The following GALNTL6 variants were observed in gnomAD, a reference collection of about 807,000 sequenced individuals.
GALNTL6 encodes the protein polypeptide N-acetylgalactosaminyltransferase-like 6.
In GALNTL6, 46 loss-of-function variants were observed where a neutral mutation model predicts 73.7. The ratio of observed to expected loss-of-function variants is 0.62; its 90% CI spans 0.49 to 0.80. The LOEUF (loss-of-function observed/expected upper bound fraction) is 0.80, where lower values mean the gene tolerates loss of function less well. Ranked by LOEUF, GALNTL6 falls within the 30% of genes least tolerant of loss-of-function variation. The pLI, the probability that GALNTL6 is intolerant of heterozygous loss-of-function variation, is 0.00. For synonymous variants in GALNTL6, 259 were observed against 263.7 expected, an observed-to-expected ratio of 0.98 and a Z score of 0.17; for missense variants, 604 against 755.0, an observed-to-expected ratio of 0.80 and a Z score of 2.34.
intron 5 of GALNTL6, among the ~76,000 whole-genome samples, chr4:172,704,650 A>T (rs1344818285): frequency 6.6e-6 from 1 of 152,080 alleles, no homozygotes; most frequent in East Asian, 1.9e-4. Flanking sequence ...TGCCAACAAG[A>T]AGAATGTGCA....
chr4:172,596,689 A>ATTT (rs1737868605), intron 5 of GALNTL6, among the ~76,000 whole-genome samples: 1 of 152,138 alleles, frequency 6.6e-6, no homozygotes, highest in African/African-American at 2.4e-5. Context: ...ACTCTATAAA[A>ATTT]CACTTCAATT....
chr4:172,305,463 G>C (rs1180297748), intron 3 of GALNTL6, among the ~76,000 whole-genome samples: 1 of 152,034 alleles, frequency 6.6e-6, no homozygotes, highest in East Asian at 1.9e-4. Context: ...GAAAGATGCT[G>C]TATTGATTTT....
At chr4:172,424,525 G>T (rs1020529071) in intron 5 of GALNTL6, among the ~76,000 whole-genome samples, 5 of 152,210 alleles carry the variant, frequency 3.3e-5, no homozygotes, top group East Asian at 3.9e-4. Context: ...CTATAAAAAC[G>T]ATTTAAATGT....
intron 3 of GALNTL6, among the ~76,000 whole-genome samples, chr4:172,268,879 A>G (rs541384677): frequency 3.9e-5 from 6 of 152,316 alleles, no homozygotes; most frequent in South Asian, 4.1e-4. Flanking sequence ...TAGCAGTTCA[A>G]TCTTAATCTT....
intron 10 of GALNTL6, among the ~76,000 whole-genome samples, chr4:172,996,429 C>T (rs190572836): frequency 5.9e-4 from 89 of 152,042 alleles, no homozygotes; most frequent in African/African-American, 1.8e-3. Flanking sequence ...GGAAAAATAA[C>T]TATTAAATAC....
At chr4:172,741,221 G>A (rs963471326) in intron 5 of GALNTL6, among the ~76,000 whole-genome samples, 1 of 152,080 alleles carries the variant, frequency 6.6e-6, no homozygotes, top group African/African-American at 2.4e-5. Context: ...CAGTTTGAAA[G>A]GTTCTCATAC....
rs190550985 is a variant in GALNTL6, at chr4:171,988,435, G to A, written c.138+173717G>A. On this transcript the variant is annotated intron_variant, in intron 2 of 12. Coordinates refer to ENST00000506823, the MANE Select transcript of GALNTL6 (RefSeq NM_001034845.3). ...GCCCAGGTAATTTGCTGAGCCTAATGGGTGTCAGGGTCAGTCTAAGTGAAA... is the reference window on the plus strand; with the variant it reads ...GCCCAGGTAATTTGCTGAGCCTAATAGGTGTCAGGGTCAGTCTAAGTGAAA... 2.8e-3 allele frequency among the ~76,000 whole-genome samples: 434 copies of A among 152,296 alleles called. 1 individual carries two copies. The highest frequency in any genetic ancestry group is 9.8e-3 in the African/African-American group (406 of 41,540).
intron 5 of GALNTL6, among the ~76,000 whole-genome samples, chr4:172,376,393 C>G (rs1376437396): frequency 1.3e-5 from 2 of 152,108 alleles, no homozygotes; most frequent in Non-Finnish European, 2.9e-5. Context: ...CATGGTCAAC[C>G]AACTTGTTGT....
intron 2 of GALNTL6, among the ~76,000 whole-genome samples, chr4:172,130,932 A>G (rs992536576): frequency 6.6e-6 from 1 of 152,048 alleles, no homozygotes; most frequent in Non-Finnish European, 1.5e-5. Flanking sequence ...CTGTATTTCT[A>G]TGCACCCTCT....
rs199570867 is a variant in GALNTL6 at position 172,305,587 on chromosome 4, AT to A, written c.248-6017del. Among the ~76,000 whole-genome samples the A allele has an allele frequency of 2.2e-3, 324 of 150,398 alleles. 2 individuals are homozygous for A. Among genetic ancestry groups the A allele is most frequent in the Admixed American group, 0.017 (261 of 15,044 alleles). Reference sequence around the variant, plus strand: ...ATTATCATAAATATTCAAACATACAATTTTTTTTTTGTTTAGAGTCTTCTGC... The same window carrying A: ...ATTATCATAAATATTCAAACATACAATTTTTTTTTGTTTAGAGTCTTCTGC... On this transcript the variant is annotated intron_variant, in intron 3 of 12. Coordinates refer to ENST00000506823, the MANE Select transcript of GALNTL6 (RefSeq NM_001034845.3).
At chr4:172,555,049 TCTTA>T (rs146010557) in intron 5 of GALNTL6, among the ~76,000 whole-genome samples, 2,279 of 152,314 alleles carry the variant, frequency 0.015, 29 homozygotes, top group Non-Finnish European at 0.024. Context: ...ACCTTACCAG[TCTTA>T]CTTAATTTAG....
chr4:172,322,252 C>A (rs1010148987), intron 4 of GALNTL6, among the ~76,000 whole-genome samples: 1 of 152,130 alleles, frequency 6.6e-6, no homozygotes, highest in Non-Finnish European at 1.5e-5. Flanking sequence ...TCTATTCATG[C>A]CTGCTCTAAA....
intron 12 of GALNTL6, among the ~76,000 whole-genome samples, chr4:173,038,573 A>G (rs1468633244): frequency 6.6e-6 from 1 of 152,216 alleles, no homozygotes; most frequent in Admixed American, 6.5e-5. Context: ...AAAATCCACA[A>G]TAAACTCAGG....
chr4:172,835,424 G>A (rs564602193), intron 7 of GALNTL6, among the ~76,000 whole-genome samples: 1 of 152,348 alleles, frequency 6.6e-6, no homozygotes, highest in South Asian at 2.1e-4. Flanking sequence ...GACAGGTCCA[G>A]AGAGGAAGAA....
intron 2 of GALNTL6, among the ~76,000 whole-genome samples, chr4:171,921,417 G>A (rs1235468791): frequency 6.6e-6 from 1 of 151,988 alleles, no homozygotes; most frequent in Non-Finnish European, 1.5e-5. Flanking sequence ...GTAGATAGAG[G>A]GATGGAAGAG....
intron 3 of GALNTL6, among the ~76,000 whole-genome samples, chr4:172,236,478 T>C (rs1737242612): frequency 6.7e-6 from 1 of 148,980 alleles, no homozygotes; most frequent in Admixed American, 6.8e-5. Flanking sequence ...GAGAATGGCA[T>C]GAACCCGGGA....
At chr4:172,513,811 T>C (rs1240995731) in intron 5 of GALNTL6, among the ~76,000 whole-genome samples, 5 of 152,122 alleles carry the variant, frequency 3.3e-5, no homozygotes, top group Admixed American at 2.6e-4. Context: ...CTGTTGGAGG[T>C]AGGAGTGGAG....
chr4:172,717,035 T>C (rs1166075234), intron 5 of GALNTL6, among the ~76,000 whole-genome samples: 1 of 152,220 alleles, frequency 6.6e-6, no homozygotes, highest in Non-Finnish European at 1.5e-5. Flanking sequence ...CCCCTATATA[T>C]TAACACTGTT....
At chr4:172,817,507 G>A (rs569998462) in intron 7 of GALNTL6, among the ~76,000 whole-genome samples, 252 of 152,228 alleles carry the variant, frequency 1.7e-3, no homozygotes, top group Non-Finnish European at 2.7e-3. Context: ...CTTTCTGGTG[G>A]CTTTTATCAT....
Sources: gnomAD v4.1 joint callset for allele counts (sites outside exome capture counted in the v4.1 genomes callset) on GRCh38, gnomAD v4.1.1 for gene constraint, MANE v1.5 for transcripts, NCBI Gene and HGNC (gene_info 2026-07-23, HGNC 2026-07-21) for gene names.